Variants in PCBP2 observed in about 807,000 individuals in gnomAD.
PCBP2 encodes the protein poly(rC) binding protein 2.
PCBP2 carries 4 observed loss-of-function variants against 50.1 expected under a neutral mutation model. The observed-to-expected ratio is 0.08, with a 90% CI of 0.04 to 0.18. PCBP2 has a LOEUF of 0.18. Ranked by LOEUF, PCBP2 falls within the 10% of genes least tolerant of loss-of-function variation. The pLI, the probability that PCBP2 is intolerant of heterozygous loss-of-function variation, is 1.00. For synonymous variants in PCBP2, 179 were observed against 168.0 expected (o/e 1.07, Z -0.51); for missense variants, 161 against 474.3 (o/e 0.34, Z 6.14).
intron 1 of PCBP2, among the ~76,000 whole-genome samples, chr12:53,454,133 G>A (rs1196056126): frequency 6.6e-6 from 1 of 152,190 alleles, no homozygotes; most frequent in Non-Finnish European, 1.5e-5. Flanking sequence ...CCCAGCCTGC[G>A]TGGAAGGCAT....
rs191600897 is a variant in PCBP2 at position 53,458,359 on chromosome 12, G to A, written c.244-913G>A. Reference sequence around the variant, plus strand: ...CTCATTCTGTTCCCTAGGCTGGAGTGCAGTGGTGCAATCTCAGCTCACAGC... The same window carrying A: ...CTCATTCTGTTCCCTAGGCTGGAGTACAGTGGTGCAATCTCAGCTCACAGC... On this transcript the variant is annotated intron_variant, in intron 5 of 14. Coordinates refer to ENST00000546463, the MANE Select transcript of PCBP2 (RefSeq NM_031989.5). Among the ~76,000 whole-genome samples the A allele has an allele frequency of 3.9e-5, 6 of 152,246 alleles. No homozygotes were observed. In the East Asian group the frequency reaches 1.2e-3, roughly 29 times the overall value.
At chr12:53,452,433 C>A (rs1356479171) in intron 1 of PCBP2, 57 bp downstream of exon 1, 1 of 149,924 alleles carries the variant, frequency 6.7e-6, no homozygotes, top group Non-Finnish European at 1.5e-5. Flanking sequence ...CCACTTTTGT[C>A]TTCTTCTTAG....
At chr12:53,463,800 C>T (rs967270522) in intron 8 of PCBP2, among the ~76,000 whole-genome samples, 1 of 152,198 alleles carries the variant, frequency 6.6e-6, no homozygotes, top group African/African-American at 2.4e-5. Context: ...TGGTCTGTTA[C>T]AAGCATATTT....
At position 53,467,770 on chromosome 12, in the gene PCBP2, G is replaced by C. The variant is rs1366853992; in HGVS notation, c.788-35G>C. On this transcript the variant is annotated intron_variant, in intron 11 of 14. Transcript: ENST00000546463. ...AACTTGTCCGATAGGGTTAGGATGA[G>C]ACCACCAAACTCATTTTCACTTGTA... 1.9e-6 allele frequency: 3 copies of C among 1,578,402 alleles called. No individual in the cohort carries two copies. In the Admixed American group the frequency reaches 5.0e-5, roughly 26 times the overall value.
intron 5 of PCBP2, among the ~76,000 whole-genome samples, chr12:53,457,027 G>A (rs1941077072): frequency 6.6e-6 from 1 of 152,068 alleles, no homozygotes; most frequent in Non-Finnish European, 1.5e-5. Context: ...ACTTGAACTA[G>A]TTCTTTTTTA....
At chr12:53,464,623 T>G in intron 8 of PCBP2, 137 bp from the exon 9 acceptor site, 1 of 1,197,650 alleles carries the variant, frequency 8.3e-7, no homozygotes, top group Non-Finnish European at 1.2e-6. Flanking sequence ...TGATTACAGC[T>G]CGTTTCAAAT....
At position 53,466,026 on chromosome 12, in the gene PCBP2, T is replaced by C. The variant is rs1046426983; in HGVS notation, c.714+53T>C. 5.4e-6 allele frequency: 8 copies of C among 1,492,986 alleles called. No individual in the cohort carries two copies. The African/African-American group carries it at 6.9e-5, about 13-fold the overall frequency. The allele number at this position is 1,492,986 out of a possible 1,614,324, so 92.5% of individuals were successfully genotyped here. A position where few individuals can be genotyped will look rare whatever the true frequency, so the allele number is the denominator to read the frequency against. On this transcript the variant is annotated intron_variant, in intron 10 of 14. Coordinates refer to ENST00000546463, the MANE Select transcript of PCBP2 (RefSeq NM_031989.5). ...GAAAAGCTCCCTCTCCCATCCAAAA[T>C]TGTCTCACTCCTCTCTCCCAAGTAG...
intron 13 of PCBP2, among the ~76,000 whole-genome samples, chr12:53,470,391 A>AC (rs1169881697): frequency 7.0e-6 from 1 of 142,660 alleles, no homozygotes; most frequent in Non-Finnish European, 1.5e-5. Flanking sequence ...AAAAAAAAAA[A>AC]AAAAAAAAAA....
chr12:53,462,092 A>C (rs1941490937), intron 7 of PCBP2, among the ~76,000 whole-genome samples: 3 of 152,238 alleles, frequency 2.0e-5, no homozygotes, highest in South Asian at 4.1e-4. Flanking sequence ...GTATTATTCT[A>C]GACATAACAC....
At chr12:53,478,499 C>CA (rs1942806499) in intron 14 of PCBP2, among the ~76,000 whole-genome samples, 2 of 151,128 alleles carry the variant, frequency 1.3e-5, no homozygotes, top group South Asian at 2.1e-4. Flanking sequence ...AACTCAGTCT[C>CA]AAAAAAATAA....
intron 5 of PCBP2, among the ~76,000 whole-genome samples, chr12:53,457,558 C>G (rs544232754): frequency 1.3e-5 from 2 of 151,812 alleles, no homozygotes; most frequent in East Asian, 3.9e-4. Context: ...GTTGCCTAGG[C>G]TCGTCTTGAA....
intron 5 of PCBP2, among the ~76,000 whole-genome samples, chr12:53,456,414 C>CACCA (rs1941014598): frequency 6.6e-6 from 1 of 151,558 alleles, no homozygotes. Flanking sequence ...GCCGAGATCA[C>CACCA]ACCACTGCAC....
intron 10 of PCBP2, 134 bp downstream of exon 10, chr12:53,466,107 G>A: frequency 1.3e-6 from 1 of 758,854 alleles, no homozygotes; most frequent in Non-Finnish European, 2.4e-6. Context: ...TCTTCACAAG[G>A]TCAATCCCAT....
chr12:53,468,908 C>CA, intron 13 of PCBP2, 76 bp downstream of exon 13: 4 of 995,518 alleles, frequency 4.0e-6, no homozygotes, highest in Non-Finnish European at 6.0e-6. Flanking sequence ...TCAGCAGTGT[C>CA]CTGCTACCCT....
intron 5 of PCBP2, among the ~76,000 whole-genome samples, chr12:53,459,022 T>G (rs575829334): frequency 6.6e-6 from 1 of 152,316 alleles, no homozygotes; most frequent in East Asian, 1.9e-4. Context: ...ACTTTTATCC[T>G]TAGCAAGTAC....
intron 7 of PCBP2, among the ~76,000 whole-genome samples, chr12:53,461,722 G>A (rs1022529918): frequency 4.6e-5 from 7 of 152,076 alleles, no homozygotes; most frequent in African/African-American, 1.7e-4. Context: ...TTTCGTGTGT[G>A]TGTGTGTGTG....
chr12:53,462,331 C>T (rs1346970933), intron 7 of PCBP2, 162 bp from the exon 8 acceptor site: 7 of 509,766 alleles, frequency 1.4e-5, no homozygotes, highest in African/African-American at 1.9e-5. Context: ...AAATAACTTT[C>T]AGTAGATAAA....
intron 6 of PCBP2, chr12:53,460,096 C>T: frequency 4.5e-6 from 1 of 224,252 alleles, no homozygotes; most frequent in East Asian, 1.3e-4. Context: ...TTATAAACAA[C>T]AAGGAGAAAA....
intron 4 of PCBP2, 129 bp from the exon 5 acceptor site, chr12:53,455,756 T>G: frequency 1.4e-6 from 1 of 736,438 alleles, no homozygotes; most frequent in Non-Finnish European, 2.3e-6. Flanking sequence ...AGCAGTAGTG[T>G]TTGGAATGAT....
Sources: allele counts gnomAD v4.1 joint callset (sites outside exome capture counted in the v4.1 genomes callset), GRCh38; gene constraint gnomAD v4.1.1; transcripts MANE v1.5; gene names NCBI Gene and HGNC (gene_info 2026-07-23, HGNC 2026-07-21).